Variants in HP1BP3 observed in about 807,000 individuals in gnomAD.
The protein encoded by HP1BP3 is heterochromatin protein 1-binding protein 3.
A neutral mutation model predicts 62.5 loss-of-function variants in HP1BP3; 12 were observed. The observed-to-expected ratio is 0.19, with a 90% CI of 0.12 to 0.31. The LOEUF (loss-of-function observed/expected upper bound fraction) is 0.31. Among genes scored for constraint, HP1BP3 ranks in the 10% least tolerant of loss-of-function variants. HP1BP3 has a pLI of 1.00. For synonymous variants in HP1BP3, 260 were observed against 237.8 expected, an observed-to-expected ratio of 1.09 and a Z score of -0.86; for missense variants, 502 against 651.8, an observed-to-expected ratio of 0.77 and a Z score of 2.50.
chr1:20,765,788 T>C (rs548209916), intron 7 of HP1BP3, among the ~76,000 whole-genome samples: 18 of 151,420 alleles, frequency 1.2e-4, no homozygotes, highest in African/African-American at 2.9e-4. Context: ...CTGGCCAACA[T>C]TGCAAAACCT....
At chr1:20,763,605 A>G (rs974907698) in intron 8 of HP1BP3, among the ~76,000 whole-genome samples, 3 of 152,196 alleles carry the variant, frequency 2.0e-5, no homozygotes, top group Non-Finnish European at 4.4e-5. Context: ...GATTAAACAT[A>G]ATTTTCTAGA....
chr1:20,776,026 AAATT>A, intron 4 of HP1BP3: 2 of 1,484,958 alleles, frequency 1.3e-6, no homozygotes, highest in Non-Finnish European at 9.0e-7. Context: ...AAAAAAAAAA[AAATT>A]AAAAATTAAA....
intron 10 of HP1BP3, among the ~76,000 whole-genome samples, chr1:20,748,218 G>A (rs2055463935): frequency 6.6e-6 from 1 of 152,190 alleles, no homozygotes; most frequent in Non-Finnish European, 1.5e-5. Flanking sequence ...GTACCTATAG[G>A]TATTGATAAT....
rs532396259 is a variant in HP1BP3, at chr1:20,748,205, T to C, written c.1142-550A>G. Reference sequence around the variant, plus strand: ...TATTTCCATTCACTTAAACATCTATTGTGTACCTATAGGTATTGATAATCA... The same window carrying C: ...TATTTCCATTCACTTAAACATCTATCGTGTACCTATAGGTATTGATAATCA... On this transcript the variant is annotated intron_variant, in intron 10 of 12. Coordinates refer to ENST00000438032, the MANE Select transcript of HP1BP3 (RefSeq NM_001372052.1). Among the ~76,000 whole-genome samples, 42 of 152,342 alleles carry C rather than the reference T, an allele frequency of 2.8e-4. No homozygotes were observed. In the Middle Eastern group the frequency reaches 0.01, roughly 37 times the overall value.
At position 20,784,476 on chromosome 1, in the gene HP1BP3, CTT is replaced by C. The variant is rs368306686; in HGVS notation, c.-101+2717_-101+2718del. On this transcript the variant is annotated intron_variant, in intron 1 of 12. Coordinates refer to ENST00000438032, the MANE Select transcript of HP1BP3 (RefSeq NM_001372052.1). ...CAAATAAAACTTATTTGTGTTTTCC[CTT>C]TTTTTTTTTTTTTTTTTTGAGACCG... Among the ~76,000 whole-genome samples, 1,050 of 124,444 alleles carry C rather than the reference CTT, an allele frequency of 8.4e-3. 2 individuals are homozygous for C. The highest frequency in any genetic ancestry group is 0.035 in the Middle Eastern group (8 of 228). 81.6% of individuals were successfully genotyped at this position (124,444 alleles called of 152,430 possible). A position where few individuals can be genotyped will look rare whatever the true frequency, so the allele number is the denominator to read the frequency against.
intron 11 of HP1BP3, among the ~76,000 whole-genome samples, chr1:20,746,102 C>T (rs539990698): frequency 1.3e-5 from 2 of 151,720 alleles, no homozygotes; most frequent in African/African-American, 4.9e-5. Context: ...CGGCAAGGAT[C>T]TCCTAAACTC....
At chr1:20,785,111 C>T (rs540529072) in intron 1 of HP1BP3, among the ~76,000 whole-genome samples, 1 of 152,260 alleles carries the variant, frequency 6.6e-6, no homozygotes, top group African/African-American at 2.4e-5. Context: ...TCTGTAGAGA[C>T]AGGGTTGCCC....
At chr1:20,761,267 G>C (rs186846045) in intron 8 of HP1BP3, among the ~76,000 whole-genome samples, 2 of 152,004 alleles carry the variant, frequency 1.3e-5, no homozygotes, top group Non-Finnish European at 2.9e-5. Flanking sequence ...GGCTGGTCTC[G>C]AACTCCTGAC....
rs1236061880 is a variant in HP1BP3, at chr1:20,780,486, C to T, written c.-46G>A. 3 of 1,332,004 alleles carry T rather than the reference C, an allele frequency of 2.3e-6. No individual in the cohort carries two copies. Among genetic ancestry groups the T allele is most frequent in the Non-Finnish European group, 3.2e-6 (3 of 923,882 alleles). 82.5% of individuals were successfully genotyped at this position (1,332,004 alleles called of 1,614,324 possible). ...GAGTACAGGTTACACTCTGAAGCCT[C>T]TGCTGTTAACCACAAGGATTTTTCC... On this transcript the variant is annotated 5_prime_UTR_variant, in exon 2 of 13. Transcript: ENST00000438032.
intron 10 of HP1BP3, among the ~76,000 whole-genome samples, chr1:20,748,102 G>A (rs1256285019): frequency 6.6e-6 from 1 of 151,572 alleles, no homozygotes; most frequent in Non-Finnish European, 1.5e-5. Context: ...GAGTGGTTAA[G>A]TGACTTGAGC....
In HP1BP3 at chr1:20,744,477, AG is replaced by A. The variant is rs1237814717; in HGVS notation, c.*319del. ...CTGCAACTGTTTAGATAAAATTGGA[AG>A]AAAAAAAAAAGGCAAAGCTGACCAT... On this transcript the variant is annotated 3_prime_UTR_variant, in exon 13 of 13. Transcript: ENST00000438032. 7 of 227,898 alleles carry A rather than the reference AG, an allele frequency of 3.1e-5. No individual in the cohort carries two copies. Among genetic ancestry groups the A allele is most frequent in the Non-Finnish European group, 5.1e-5 (6 of 116,644 alleles). The allele number at this position is 227,898 out of a possible 1,614,324, so 14.1% of individuals were successfully genotyped here. A position where few individuals can be genotyped will look rare whatever the true frequency, so the allele number is the denominator to read the frequency against.
chr1:20,766,639 G>A (rs1427652395), intron 7 of HP1BP3, among the ~76,000 whole-genome samples: 1 of 152,126 alleles, frequency 6.6e-6, no homozygotes, highest in African/African-American at 2.4e-5. Flanking sequence ...CTAGTATTTG[G>A]TAAAAATGTA....
At chr1:20,770,053 T>C (rs939223106) in intron 6 of HP1BP3, among the ~76,000 whole-genome samples, 4 of 152,214 alleles carry the variant, frequency 2.6e-5, no homozygotes, top group African/African-American at 9.6e-5. Context: ...TAACATAATA[T>C]AAAGTTTATT....
rs1286650893 is a variant in HP1BP3 at position 20,746,186 on chromosome 1, A to ATATATGTGTGTGTGTGTGTG, written c.1254-531_1254-530insCACACACACACACACATATA. 7.0e-5 allele frequency among the ~76,000 whole-genome samples: 10 copies of ATATATGTGTGTGTGTGTGTG among 143,150 alleles called. 1 individual carries two copies. Among genetic ancestry groups the ATATATGTGTGTGTGTGTGTG allele is most frequent in the African/African-American group, 2.7e-4 (10 of 37,038 alleles). 93.9% of individuals were successfully genotyped at this position (143,150 alleles called of 152,430 possible). Reference sequence around the variant, plus strand: ...CTTAAATGATAACATACATACATATATGTGTGTGTGTGTGTGTGTGTGTGT... The same window carrying ATATATGTGTGTGTGTGTGTG: ...CTTAAATGATAACATACATACATATATATATGTGTGTGTGTGTGTGTGTGTGTGTGTGTGTGTGTGTGTGT... On this transcript the variant is annotated intron_variant, in intron 11 of 12. Transcript: ENST00000438032.
chr1:20,748,472 C>A (rs1175796853), intron 10 of HP1BP3, among the ~76,000 whole-genome samples: 1 of 152,230 alleles, frequency 6.6e-6, no homozygotes, highest in African/African-American at 2.4e-5. Flanking sequence ...ATAGGCCGGG[C>A]GTGGCGGCTC....
chr1:20,771,277 C>T (rs2057047000), intron 5 of HP1BP3, among the ~76,000 whole-genome samples: 1 of 152,098 alleles, frequency 6.6e-6, no homozygotes, highest in Non-Finnish European at 1.5e-5. Context: ...TTAAATTGTT[C>T]AAAACAGCCT....
At chr1:20,782,849 G>A (rs1216104415) in intron 1 of HP1BP3, among the ~76,000 whole-genome samples, 60 of 146,026 alleles carry the variant, frequency 4.1e-4, no homozygotes, top group Non-Finnish European at 7.7e-4. Context: ...GCAGTGAGCC[G>A]AGATTGTGCC....
chr1:20,776,351 A>G, intron 4 of HP1BP3: 1 of 436,052 alleles, frequency 2.3e-6, no homozygotes, highest in Non-Finnish European at 4.0e-6. Flanking sequence ...CAAGCTCAAA[A>G]ACACATTCCA....
intron 10 of HP1BP3, among the ~76,000 whole-genome samples, chr1:20,748,242 C>A (rs1424761842): frequency 2.6e-5 from 4 of 152,180 alleles, no homozygotes; most frequent in Non-Finnish European, 4.4e-5. Flanking sequence ...CTAGGAGAAT[C>A]TCTTATAAAG....
Sources: allele counts gnomAD v4.1 joint callset (sites outside exome capture counted in the v4.1 genomes callset), GRCh38; gene constraint gnomAD v4.1.1; transcripts MANE v1.5; gene names NCBI Gene and HGNC (gene_info 2026-07-23, HGNC 2026-07-21).